The following RBFOX1 variants were observed in gnomAD, a reference collection of about 807,000 sequenced individuals.
The protein encoded by RBFOX1 is RNA binding fox-1 homolog 1, also known as RNA binding protein fox-1 homolog 1.
A neutral mutation model predicts 57.7 loss-of-function variants in RBFOX1; 8 were observed. The observed-to-expected ratio is 0.14, with a 90% CI of 0.08 to 0.25. The LOEUF is 0.25. Among genes scored for constraint, RBFOX1 ranks in the 10% least tolerant of loss-of-function variants. The pLI is 1.00. For synonymous variants in RBFOX1, 326 were observed against 222.4 expected (o/e 1.47, Z -4.15); for missense variants, 611 against 548.5 (o/e 1.11, Z -1.14).
intron 4 of RBFOX1, among the ~76,000 whole-genome samples, chr16:5,991,763 C>T (rs922220033): frequency 6.6e-6 from 1 of 151,480 alleles, no homozygotes; most frequent in African/African-American, 2.4e-5. Context: ...CCCAGCCCTG[C>T]CAATAATCAA....
intron 3 of RBFOX1, among the ~76,000 whole-genome samples, chr16:6,956,652 C>T (rs2081911156): frequency 2.0e-5 from 3 of 152,202 alleles, no homozygotes; most frequent in Admixed American, 6.5e-5. Context: ...CTATTTGTGG[C>T]TGATGTTGCT....
intron 3 of RBFOX1, among the ~76,000 whole-genome samples, chr16:6,937,085 A>G (rs2077493390): frequency 6.6e-6 from 1 of 152,138 alleles, no homozygotes; most frequent in Admixed American, 6.5e-5. Flanking sequence ...TAAAACTTAA[A>G]GTATGATAAT....
chr16:6,910,799 G>A (rs1341807101), intron 3 of RBFOX1, among the ~76,000 whole-genome samples: 6 of 152,196 alleles, frequency 3.9e-5, no homozygotes, highest in Non-Finnish European at 8.8e-5. Context: ...GAATGAGAAG[G>A]TTGTTTCCTT....
intron 3 of RBFOX1, among the ~76,000 whole-genome samples, chr16:6,858,501 T>TA (rs2058321150): frequency 2.0e-5 from 3 of 152,140 alleles, no homozygotes; most frequent in Admixed American, 6.6e-5. Context: ...TAGAACATAC[T>TA]CCTTGAAGCT....
At chr16:7,633,912 A>C (rs2061364197) in intron 11 of RBFOX1, among the ~76,000 whole-genome samples, 2 of 152,126 alleles carry the variant, frequency 1.3e-5, no homozygotes, top group African/African-American at 4.8e-5. Context: ...CTTCCAGATT[A>C]GGTGCATATT....
chr16:5,387,648 G>C (rs763881883), intron 1 of RBFOX1, among the ~76,000 whole-genome samples: 4 of 152,232 alleles, frequency 2.6e-5, no homozygotes, highest in Non-Finnish European at 5.9e-5. Context: ...GATTCTCTGA[G>C]AGAGGGAGGG....
intron 4 of RBFOX1, among the ~76,000 whole-genome samples, chr16:7,141,892 T>G (rs1002495454): frequency 2.0e-5 from 3 of 152,220 alleles, no homozygotes; most frequent in African/African-American, 4.8e-5. Context: ...CATAGTGACC[T>G]TGGAAATTCA....
intron 3 of RBFOX1, among the ~76,000 whole-genome samples, chr16:5,666,714 A>G (rs939439573): frequency 1.3e-5 from 2 of 152,118 alleles, no homozygotes; most frequent in Admixed American, 1.3e-4. Context: ...CTTCCTCCCC[A>G]TCTGTTTTTT....
intron 1 of RBFOX1, among the ~76,000 whole-genome samples, chr16:5,381,656 A>G (rs1049818721): frequency 6.6e-6 from 1 of 152,228 alleles, no homozygotes; most frequent in African/African-American, 2.4e-5. Context: ...TAAATCAAAT[A>G]ATGCACAGGC....
intron 5 of RBFOX1, among the ~76,000 whole-genome samples, chr16:7,545,832 C>G (rs1477869424): frequency 2.0e-5 from 3 of 152,098 alleles, no homozygotes; most frequent in African/African-American, 7.2e-5. Flanking sequence ...CATCAAGTCA[C>G]AGACATCCTC....
At chr16:6,239,367 G>A (rs1460528253) in intron 1 of RBFOX1, among the ~76,000 whole-genome samples, 1 of 151,324 alleles carries the variant, frequency 6.6e-6, no homozygotes, top group African/African-American at 2.4e-5. Flanking sequence ...TATATGGTCA[G>A]TAAATGCTTG....
At chr16:5,451,951 G>A (rs1389112849) in intron 1 of RBFOX1, among the ~76,000 whole-genome samples, 3 of 151,808 alleles carry the variant, frequency 2.0e-5, no homozygotes, top group Non-Finnish European at 4.4e-5. Context: ...GTCTCTCTGG[G>A]GATCAAAATA....
intron 3 of RBFOX1, among the ~76,000 whole-genome samples, chr16:7,040,853 A>T (rs914322212): frequency 2.0e-5 from 3 of 152,210 alleles, no homozygotes; most frequent in African/African-American, 7.2e-5. Flanking sequence ...GCCATGGGCC[A>T]AAGACAGCTC....
chr16:7,677,680 G>C (rs2073747866), intron 14 of RBFOX1, among the ~76,000 whole-genome samples: 1 of 152,216 alleles, frequency 6.6e-6, no homozygotes, highest in African/African-American at 2.4e-5. Context: ...GGACATAAAT[G>C]TGAATGTTCA....
chr16:7,350,754 AGGGATGT>A (rs996697531), intron 4 of RBFOX1, among the ~76,000 whole-genome samples: 19 of 152,152 alleles, frequency 1.2e-4, no homozygotes, highest in African/African-American at 4.3e-4. Flanking sequence ...GGCCCGTTTC[AGGGATGT>A]GGGGTAACAG....
At chr16:7,372,270 C>G (rs144714340) in intron 4 of RBFOX1, among the ~76,000 whole-genome samples, 1 of 152,302 alleles carries the variant, frequency 6.6e-6, no homozygotes, top group Non-Finnish European at 1.5e-5. Flanking sequence ...CCACTTCATA[C>G]TTCAGATCCC....
chr16:7,608,515 G>C (rs114360617), intron 10 of RBFOX1, among the ~76,000 whole-genome samples: 229 of 152,294 alleles, frequency 1.5e-3, no homozygotes, highest in African/African-American at 5.2e-3. Flanking sequence ...TCACTCTTGT[G>C]GGGGAAGAGA....
At chr16:6,487,829 A>G (rs2095540528) in intron 2 of RBFOX1, among the ~76,000 whole-genome samples, 1 of 148,330 alleles carries the variant, frequency 6.7e-6, no homozygotes, top group African/African-American at 2.5e-5. Context: ...TTCTAGATTC[A>G]TGTTTATCTA....
chr16:5,402,186 G>C (rs1345900541), intron 1 of RBFOX1, among the ~76,000 whole-genome samples: 1 of 152,136 alleles, frequency 6.6e-6, no homozygotes, highest in Non-Finnish European at 1.5e-5. Context: ...GGGACTCTGT[G>C]ACAGGCTGGG....
Sources: gnomAD v4.1 joint callset for allele counts (sites outside exome capture counted in the v4.1 genomes callset) on GRCh38, gnomAD v4.1.1 for gene constraint, MANE v1.5 for transcripts, NCBI Gene and HGNC (gene_info 2026-07-23, HGNC 2026-07-21) for gene names.